The following CHAT variants were observed in gnomAD, a reference collection of about 807,000 sequenced individuals.
The protein encoded by CHAT is acetyl CoA:choline O-acetyltransferase.
In CHAT, 61 loss-of-function variants were observed where a neutral mutation model predicts 76.9. The observed-to-expected ratio is 0.79, with a 90% CI of 0.65 to 0.98. The LOEUF (loss-of-function observed/expected upper bound fraction) is 0.98. Ranked by LOEUF, CHAT falls within the 50% of genes least tolerant of loss-of-function variation. CHAT has a pLI of 0.00. For missense variants in CHAT, 946 were observed against 986.9 expected (o/e 0.96, Z 0.56); for synonymous variants, 407 against 397.4 (o/e 1.02, Z -0.29).
chr10:49,610,799 C>T (rs1291303512), upstream of CHAT: 2 of 1,590,218 alleles, frequency 1.3e-6, no homozygotes, highest in South Asian at 2.3e-5. Flanking sequence ...CTGTCGGAGG[C>T]TGTGGGCGCG....
At chr10:49,615,943 G>A (rs1564469998) in intron 1 of CHAT, 3 of 1,255,150 alleles carry the variant, frequency 2.4e-6, no homozygotes, top group East Asian at 2.3e-5. Context: ...CTCCCAATTA[G>A]CCCAGATGCA....
chr10:49,659,787 AG>A (rs1840137066), intron 13 of CHAT, among the ~76,000 whole-genome samples: 2 of 151,918 alleles, frequency 1.3e-5, no homozygotes, highest in South Asian at 4.2e-4. Flanking sequence ...ACATGAACCC[AG>A]GGGGTGGAAG....
intron 7 of CHAT, among the ~76,000 whole-genome samples, chr10:49,635,280 T>C (rs781618996): frequency 6.6e-6 from 1 of 152,256 alleles, no homozygotes; most frequent in Non-Finnish European, 1.5e-5. Context: ...CTTTCCTTTT[T>C]ATTGCTGAGT....
intron 9 of CHAT, 113 bp downstream of exon 9, chr10:49,648,720 G>C (rs1197242479): frequency 1.2e-5 from 8 of 641,078 alleles, no homozygotes; most frequent in East Asian, 1.2e-4. Context: ...AAAAAAATGT[G>C]TACTATACAC....
chr10:49,657,909 TA>T (rs1329185922), intron 13 of CHAT, among the ~76,000 whole-genome samples: 1 of 152,234 alleles, frequency 6.6e-6, no homozygotes, highest in Non-Finnish European at 1.5e-5. Flanking sequence ...AGAGCTACTG[TA>T]AGGACAGTGA....
At position 49,662,714 on chromosome 10, in the gene CHAT, G is replaced by A. The variant is rs777684375; in HGVS notation, c.1909G>A (p.Glu637Lys). 6.2e-7 allele frequency: 1 copy of A among 1,614,198 alleles called. No homozygotes were observed. Among genetic ancestry groups the A allele is most frequent in the South Asian group, 1.1e-5 (1 of 91,084 alleles). Residue 637 changes from glutamate to lysine, a missense_variant, in exon 14 of 15, where the codon GAG (glutamate) becomes AAG (lysine). Around this residue, in one of 3 missense-constraint regions of CHAT, gnomAD observed 349 missense variants for 393.9 expected, o/e 0.89. Transcript: ENST00000337653. ...LRELARAMCKELPEMFMDETY... is the reference protein window; with the variant it reads ...LRELARAMCKKLPEMFMDETY... The stretch of plus-strand genomic sequence containing the variant: ...GGAGCTGGCCCGGGCCATGTGCAAG[G>A]AGCTGCCCGAGATGTTCATGGATGA...
intron 1 of CHAT, chr10:49,616,070 A>G: frequency 6.2e-7 from 1 of 1,613,922 alleles, no homozygotes; most frequent in Non-Finnish European, 8.5e-7. Context: ...CGGAATGCAG[A>G]GATGAAGCAC....
rs1415444108 is a variant in CHAT at position 49,652,144 on chromosome 10, G to A, written c.1634+138G>A. On this transcript the variant is annotated intron_variant, in intron 11 of 14. Coordinates refer to ENST00000337653, the MANE Select transcript of CHAT (RefSeq NM_020549.5). ...GACTGGAGAGGGACTGAGGCTGCATGAAGGAGGAGCAGACTGAACTGGGTT... is the reference window on the plus strand; with the variant it reads ...GACTGGAGAGGGACTGAGGCTGCATAAAGGAGGAGCAGACTGAACTGGGTT... 8 of 1,185,180 alleles carry A rather than the reference G, an allele frequency of 6.8e-6. No homozygotes were observed. In the Admixed American group the frequency reaches 1.6e-4, roughly 23 times the overall value. The allele number at this position is 1,185,180 out of a possible 1,614,324, so 73.4% of individuals were successfully genotyped here.
At chr10:49,632,522 C>T (rs1356898897) in intron 7 of CHAT, among the ~76,000 whole-genome samples, 2 of 152,180 alleles carry the variant, frequency 1.3e-5, no homozygotes, top group Non-Finnish European at 2.9e-5. Context: ...AGGGACAGTG[C>T]TCATGGGCAC....
Position 49,664,792 on chromosome 10 carries a change from G to A in CHAT, c.1993G>A (p.Glu665Lys). 6.2e-7 allele frequency: 1 copy of A among 1,614,184 alleles called. No homozygotes were observed. Among genetic ancestry groups the A allele is most frequent in the South Asian group, 1.1e-5 (1 of 91,090 alleles). Reference sequence around the variant, plus strand: ...TCTCCTCCAGGTGCCCACAACCACGGAGATGTTCTGCTGCTATGGTCCTGT... The same window carrying A: ...TCTCCTCCAGGTGCCCACAACCACGAAGATGTTCTGCTGCTATGGTCCTGT... ...LSTSQVPTTT[E>K]MFCCYGPVVP... The change falls in exon 15 of 15, where the codon GAG (glutamate) becomes AAG (lysine). Residue 665 changes from glutamate (E) to lysine (K), a missense_variant. Glu to Lys is a moderately conservative substitution (Grantham distance 56). Around this residue, in one of 3 missense-constraint regions of CHAT, gnomAD observed 349 missense variants for 393.9 expected, o/e 0.89. Transcript: ENST00000337653.
chr10:49,617,737 AC>A lies in CHAT; in HGVS notation c.387+1143del, dbSNP rs57501820. Among the ~76,000 whole-genome samples, 7 of 150,202 alleles carry A rather than the reference AC, an allele frequency of 4.7e-5. No homozygotes were observed. In the East Asian group the frequency reaches 7.8e-4, roughly 17 times the overall value. On this transcript the variant is annotated intron_variant, in intron 2 of 14. Transcript: ENST00000337653. ...TGCTCACCCACCCATCACACAGACC[AC>A]CCCCCCCACCGCAAGAGATGGAAGA...
At chr10:49,647,035 G>T in intron 8 of CHAT, 2 of 352,934 alleles carry the variant, frequency 5.7e-6, no homozygotes, top group Non-Finnish European at 5.4e-6. Context: ...GAGTAGGAGA[G>T]TATAACAGCC....
chr10:49,664,625 A>G (rs1233250381), intron 14 of CHAT, 152 bp from the exon 15 acceptor site: 1 of 1,035,624 alleles, frequency 9.7e-7, no homozygotes. Context: ...GTCTGTTTTT[A>G]TGACTCTGGC....
At chr10:49,639,997 A>AT (rs1435835151) in intron 7 of CHAT, among the ~76,000 whole-genome samples, 1 of 151,892 alleles carries the variant, frequency 6.6e-6, no homozygotes, top group African/African-American at 2.4e-5. Flanking sequence ...TATATTGGTT[A>AT]TTCTATTATT....
At chr10:49,640,724 G>C (rs903987434) in intron 7 of CHAT, among the ~76,000 whole-genome samples, 1 of 152,114 alleles carries the variant, frequency 6.6e-6, no homozygotes, top group South Asian at 2.1e-4. Flanking sequence ...GGGGGAGGGA[G>C]GGATGACACG....
At chr10:49,630,899 G>A (rs565777199) in intron 7 of CHAT, among the ~76,000 whole-genome samples, 9 of 152,094 alleles carry the variant, frequency 5.9e-5, no homozygotes, top group Non-Finnish European at 1.2e-4. Flanking sequence ...GCAGTTGGAT[G>A]TTGAAGATGA....
chr10:49,650,329 A>C (rs1429778821), intron 10 of CHAT, among the ~76,000 whole-genome samples: 3 of 152,096 alleles, frequency 2.0e-5, no homozygotes, highest in Admixed American at 6.5e-5. Flanking sequence ...GAATAAGTAG[A>C]CTCCCAGGCC....
chr10:49,611,842 G>A (rs1442666308), upstream of CHAT: 3 of 1,604,612 alleles, frequency 1.9e-6, no homozygotes, highest in Admixed American at 5.0e-5. Flanking sequence ...GGCTGTGATC[G>A]GCGCCAGCTC....
intron 7 of CHAT, chr10:49,637,297 C>T (rs1211664147): frequency 6.6e-6 from 1 of 152,140 alleles, no homozygotes; most frequent in Non-Finnish European, 1.5e-5. Context: ...AGCTATATCT[C>T]ACAAATTTTC....
Sources: gnomAD v4.1 joint callset for allele counts (sites outside exome capture counted in the v4.1 genomes callset) on GRCh38, gnomAD v4.1.1 for gene constraint, gnomAD v4.1.1 regional missense constraint, MANE v1.5 for transcripts, NCBI Gene and HGNC (gene_info 2026-07-23, HGNC 2026-07-21) for gene names.